RBFOX1: variants seen among roughly 807,000 people sequenced by gnomAD.
The protein encoded by RBFOX1 is RNA binding protein fox-1 homolog 1.
A neutral mutation model predicts 57.7 loss-of-function variants in RBFOX1; 8 were observed. The ratio of observed to expected loss-of-function variants is 0.14; its 90% CI spans 0.08 to 0.25. The LOEUF is 0.25. Ranked by LOEUF, RBFOX1 falls within the 10% of genes least tolerant of loss-of-function variation. The pLI is 1.00. For synonymous variants in RBFOX1, 326 were observed against 222.4 expected (o/e 1.47, Z -4.15); for missense variants, 611 against 548.5 (o/e 1.11, Z -1.14).
chr16:5,811,326 G>T (rs899731848), intron 3 of RBFOX1, among the ~76,000 whole-genome samples: 1 of 151,686 alleles, frequency 6.6e-6, no homozygotes, highest in African/African-American at 2.4e-5. Context: ...TAGAGACGGG[G>T]TTTCCCTGGT....
chr16:7,591,386 T>G (rs1245209609), intron 7 of RBFOX1, among the ~76,000 whole-genome samples: 1 of 152,152 alleles, frequency 6.6e-6, no homozygotes, highest in Non-Finnish European at 1.5e-5. Context: ...CCAGGGTGCT[T>G]TATTTAAGTC....
Position 7,173,443 on chromosome 16 carries a change from G to A in RBFOX1, c.27+121345G>A, listed in dbSNP as rs375077144. On this transcript the variant is annotated intron_variant, in intron 4 of 15. Transcript: ENST00000550418. ...TCTGTGCATTCAGTGACTCTGAAAG[G>A]GAGGCACTGGTTTCGAATGTTTTGT... is the stretch of plus-strand genomic sequence containing the variant. Among the ~76,000 whole-genome samples the A allele has an allele frequency of 7.2e-5, 11 of 152,244 alleles. No individual in the cohort carries two copies. The East Asian group carries it at 1.3e-3, about 19-fold the overall frequency.
intron 5 of RBFOX1, among the ~76,000 whole-genome samples, chr16:7,544,441 G>T (rs1450015466): frequency 6.6e-6 from 1 of 152,144 alleles, no homozygotes; most frequent in African/African-American, 2.4e-5. Flanking sequence ...ATTAGATGAG[G>T]TTATACTGGA....
intron 4 of RBFOX1, among the ~76,000 whole-genome samples, chr16:7,471,189 C>T (rs1341181385): frequency 6.6e-6 from 1 of 152,196 alleles, no homozygotes; most frequent in East Asian, 1.9e-4. Context: ...CTGCCATGCT[C>T]TTTTTTAACG....
At chr16:6,758,227 G>C (rs1363007755) in intron 3 of RBFOX1, among the ~76,000 whole-genome samples, 1 of 151,942 alleles carries the variant, frequency 6.6e-6, no homozygotes, top group African/African-American at 2.4e-5. Context: ...TGAGATATTG[G>C]GAAGCTACTA....
intron 14 of RBFOX1, among the ~76,000 whole-genome samples, chr16:7,704,006 G>A (rs1471472893): frequency 6.6e-6 from 1 of 152,190 alleles, no homozygotes; most frequent in Non-Finnish European, 1.5e-5. Context: ...TCTGTAGGTG[G>A]CTTAATATTT....
At chr16:6,587,288 GC>G in intron 2 of RBFOX1, among the ~76,000 whole-genome samples, 1 of 125,586 alleles carries the variant, frequency 8.0e-6, no homozygotes, top group East Asian at 2.2e-4. Context: ...TCTGAGTTTG[GC>G]CTTTTTTTTT....
At chr16:7,237,700 C>A (rs945770409) in intron 4 of RBFOX1, among the ~76,000 whole-genome samples, 6 of 152,166 alleles carry the variant, frequency 3.9e-5, no homozygotes, top group African/African-American at 1.4e-4. Context: ...TATTATTCAG[C>A]CTTAGAAATG....
chr16:6,948,656 A>C (rs927112332), intron 3 of RBFOX1, among the ~76,000 whole-genome samples: 2 of 152,032 alleles, frequency 1.3e-5, no homozygotes, highest in East Asian at 3.9e-4. Flanking sequence ...TGCTGGGATT[A>C]CAAGCGTGAG....
chr16:5,592,539 C>T (rs576467685), intron 2 of RBFOX1, among the ~76,000 whole-genome samples: 1 of 152,148 alleles, frequency 6.6e-6, no homozygotes, highest in South Asian at 2.1e-4. Context: ...GCCTCAGCCT[C>T]CCCGGTAGCT....
chr16:7,267,303 AG>A (rs1243338049), intron 4 of RBFOX1, among the ~76,000 whole-genome samples: 2 of 151,780 alleles, frequency 1.3e-5, no homozygotes, highest in Non-Finnish European at 2.9e-5. Flanking sequence ...CGGAGGCCAA[AG>A]GGGGCGGATC....
intron 1 of RBFOX1, among the ~76,000 whole-genome samples, chr16:6,176,338 T>A (rs1237140217): frequency 6.9e-6 from 1 of 145,946 alleles, no homozygotes; most frequent in African/African-American, 2.6e-5. Context: ...TTTTTTTTTT[T>A]AGTAGATATG....
intron 3 of RBFOX1, among the ~76,000 whole-genome samples, chr16:6,799,365 TAA>T (rs776399047): frequency 6.6e-6 from 1 of 152,056 alleles, no homozygotes; most frequent in Admixed American, 6.6e-5. Flanking sequence ...TCTTTGTAGT[TAA>T]AAAAAGGTAA....
At chr16:6,169,304 A>T (rs1289523399) in intron 1 of RBFOX1, among the ~76,000 whole-genome samples, 1 of 152,172 alleles carries the variant, frequency 6.6e-6, no homozygotes, top group African/African-American at 2.4e-5. Flanking sequence ...CTAAGGATTA[A>T]TGCACTTTGT....
intron 4 of RBFOX1, among the ~76,000 whole-genome samples, chr16:7,436,276 T>C (rs968318964): frequency 6.6e-6 from 1 of 152,240 alleles, no homozygotes; most frequent in Non-Finnish European, 1.5e-5. Flanking sequence ...TGGGTGGATG[T>C]TTATGTTATT....
chr16:6,347,330 T>C (rs2085539121), intron 2 of RBFOX1, among the ~76,000 whole-genome samples: 1 of 152,184 alleles, frequency 6.6e-6, no homozygotes, highest in Non-Finnish European at 1.5e-5. Flanking sequence ...ACTGGGGGCT[T>C]CATGTGTGCT....
At chr16:5,857,877 G>A (rs905596888) in intron 3 of RBFOX1, among the ~76,000 whole-genome samples, 11 of 152,086 alleles carry the variant, frequency 7.2e-5, no homozygotes, top group African/African-American at 2.7e-4. Flanking sequence ...AGCCTGGGAG[G>A]CAGCGGTTGC....
intron 4 of RBFOX1, among the ~76,000 whole-genome samples, chr16:5,932,559 G>T (rs2059084191): frequency 6.6e-6 from 1 of 152,302 alleles, no homozygotes; most frequent in Admixed American, 6.5e-5. Context: ...GTTGTTTTGA[G>T]CTCCTAAGGT....
chr16:7,428,973 AAGTGTATCAAC>A (rs1251382854), intron 4 of RBFOX1, among the ~76,000 whole-genome samples: 2 of 152,156 alleles, frequency 1.3e-5, no homozygotes, highest in African/African-American at 4.8e-5. Context: ...CAAAGAAAAA[AAGTGTATCAAC>A]AGACAGGAGG....
Sources: allele counts gnomAD v4.1 joint callset (sites outside exome capture counted in the v4.1 genomes callset), GRCh38; gene constraint gnomAD v4.1.1; transcripts MANE v1.5; gene names NCBI Gene and HGNC (gene_info 2026-07-23, HGNC 2026-07-21).